Variants in NFAT5 observed in about 807,000 individuals in gnomAD.
NFAT5 encodes the protein nuclear factor of activated T-cells 5.
In NFAT5, 31 loss-of-function variants were observed where a neutral mutation model predicts 166.5. The observed-to-expected ratio is 0.19, with a 90% confidence interval of 0.14 to 0.25. The LOEUF (loss-of-function observed/expected upper bound fraction) is 0.25, where lower values mean the gene tolerates loss of function less well. Ranked by LOEUF, NFAT5 falls within the 10% of genes least tolerant of loss-of-function variation. The pLI, the probability that NFAT5 is intolerant of heterozygous loss-of-function variation, is 1.00. For missense variants in NFAT5, 1,449 were observed against 1,821.8 expected (o/e 0.80, Z 3.72); for synonymous variants, 612 against 639.7 (o/e 0.96, Z 0.65).
At chr16:69,660,696 G>C (rs1411332147) in intron 7 of NFAT5, among the ~76,000 whole-genome samples, 1 of 152,120 alleles carries the variant, frequency 6.6e-6, no homozygotes, top group Non-Finnish European at 1.5e-5. Context: ...GTGTTTGTGT[G>C]TGTAAATTCA....
At chr16:69,664,986 C>G (rs867887324) in intron 7 of NFAT5, among the ~76,000 whole-genome samples, 2 of 152,266 alleles carry the variant, frequency 1.3e-5, no homozygotes, top group South Asian at 4.1e-4. Flanking sequence ...AAGACTGCGC[C>G]ACTGCACTCC....
At chr16:69,576,483 CTT>C (rs1273891589) in intron 2 of NFAT5, among the ~76,000 whole-genome samples, 3 of 152,000 alleles carry the variant, frequency 2.0e-5, no homozygotes, top group Non-Finnish European at 2.9e-5. Context: ...GATTATGACT[CTT>C]TTGGGGAAGA....
At chr16:69,669,446 G>T (rs372898374) in intron 7 of NFAT5, among the ~76,000 whole-genome samples, 1 of 152,158 alleles carries the variant, frequency 6.6e-6, no homozygotes, top group South Asian at 2.1e-4. Flanking sequence ...TGAGGAGGCT[G>T]AGGCAGGAGA....
intron 3 of NFAT5, among the ~76,000 whole-genome samples, chr16:69,645,363 C>T (rs2035393026): frequency 6.6e-6 from 1 of 152,112 alleles, no homozygotes; most frequent in Admixed American, 6.5e-5. Context: ...GAACTGGTAT[C>T]ATCTAATTTC....
At chr16:69,691,237 A>G (rs2037533332) in intron 12 of NFAT5, 149 bp downstream of exon 12, 1 of 525,072 alleles carries the variant, frequency 1.9e-6, no homozygotes, top group African/African-American at 2.0e-5. Context: ...AAAATTGCCC[A>G]CATAGTGACT....
At chr16:69,631,155 G>A (rs539078957) in intron 3 of NFAT5, among the ~76,000 whole-genome samples, 6 of 152,114 alleles carry the variant, frequency 3.9e-5, no homozygotes, top group East Asian at 1.9e-4. Flanking sequence ...AAACTAGGCC[G>A]GGTACACTGG....
rs576858857 is a variant in NFAT5, at chr16:69,631,294, G to T, written c.253+4766G>T. The stretch of plus-strand genomic sequence containing the variant: ...AAAAATACAAAAATTAGCTGGGCAT[G>T]GTGGCAGGCTTCTGTAATCCCAGCT... On this transcript the variant is annotated intron_variant, in intron 3 of 14. Coordinates refer to ENST00000349945, the MANE Select transcript of NFAT5 (RefSeq NM_138713.4). Among the ~76,000 whole-genome samples the T allele has an allele frequency of 9.4e-4, 143 of 152,186 alleles. 2 individuals carry two copies. The highest frequency in any genetic ancestry group is 3.3e-3 in the African/African-American group (138 of 41,552).
intron 2 of NFAT5, among the ~76,000 whole-genome samples, chr16:69,595,442 G>C (rs1350367416): frequency 1.3e-5 from 2 of 152,132 alleles, no homozygotes; most frequent in Non-Finnish European, 2.9e-5. Context: ...ACATATTGCT[G>C]TCAGTGGAGG....
At chr16:69,683,914 C>T (rs1231253182) in intron 10 of NFAT5, among the ~76,000 whole-genome samples, 1 of 151,492 alleles carries the variant, frequency 6.6e-6, no homozygotes, top group Non-Finnish European at 1.5e-5. Flanking sequence ...GCCTGGCCAA[C>T]ATGGTGAAAC....
chr16:69,658,818 C>G (rs1237271662), intron 6 of NFAT5, among the ~76,000 whole-genome samples: 1 of 152,102 alleles, frequency 6.6e-6, no homozygotes, highest in Non-Finnish European at 1.5e-5. Context: ...CAGAGCGAGA[C>G]TCTGTCTCAA....
intron 11 of NFAT5, among the ~76,000 whole-genome samples, chr16:69,688,212 A>AAAAAAAC (rs2037399576): frequency 8.0e-6 from 1 of 124,742 alleles, no homozygotes; most frequent in Non-Finnish European, 1.6e-5. Flanking sequence ...CAAAAAAAAA[A>AAAAAAAC]AAAAAAAAAA....
intron 2 of NFAT5, among the ~76,000 whole-genome samples, chr16:69,579,541 A>G (rs949655626): frequency 2.0e-5 from 3 of 152,228 alleles, no homozygotes; most frequent in Non-Finnish European, 2.9e-5. Context: ...TACAGTAAAT[A>G]CAAACAACAT....
chr16:69,662,074 A>G (rs2036169223), intron 7 of NFAT5, among the ~76,000 whole-genome samples: 1 of 152,162 alleles, frequency 6.6e-6, no homozygotes, highest in African/African-American at 2.4e-5. Flanking sequence ...TTAATTGCAT[A>G]TAAAAATTAT....
At chr16:69,666,862 T>C (rs1410460347) in intron 7 of NFAT5, among the ~76,000 whole-genome samples, 1 of 152,002 alleles carries the variant, frequency 6.6e-6, no homozygotes, top group East Asian at 1.9e-4. Context: ...GCTATAAAGA[T>C]ACATGCACAC....
chr16:69,625,067 T>A lies in NFAT5; in HGVS notation c.128-1336T>A, dbSNP rs186395055. 1.8e-3 allele frequency among the ~76,000 whole-genome samples: 278 copies of A among 151,940 alleles called. 1 individual carries two copies. Among genetic ancestry groups the A allele is most frequent in the Middle Eastern group, 0.017 (5 of 294 alleles). ...GGTGCCCGTCACCATGCCCAGCTAA[T>A]TTTTTGTATTTTTTAGTAGAGATGG... On this transcript the variant is annotated intron_variant, in intron 2 of 14. Coordinates refer to ENST00000349945, the MANE Select transcript of NFAT5 (RefSeq NM_138713.4).
Position 69,698,591 on chromosome 16 carries a change from C to T in NFAT5, c.*2240C>T, listed in dbSNP as rs2037836195. On this transcript the variant is annotated 3_prime_UTR_variant, in exon 15 of 15. Coordinates refer to ENST00000349945, the MANE Select transcript of NFAT5 (RefSeq NM_138713.4). ...GGCCATTCCATCAGGCAGTTAGTTC[C>T]TTGATGTCAGTAGTGGGCTAAAGGC... 1 of 152,382 alleles carries T rather than the reference C, an allele frequency of 6.6e-6. No individual in the cohort carries two copies. The highest frequency in any genetic ancestry group is 1.5e-5 in the Non-Finnish European group (1 of 68,006). The allele number at this position is 152,382 out of a possible 1,614,324, so 9.4% of individuals were successfully genotyped here. A position where few individuals can be genotyped will look rare whatever the true frequency, so the allele number is the denominator to read the frequency against.
chr16:69,657,792 T>TA (rs1468288496), intron 6 of NFAT5, among the ~76,000 whole-genome samples: 1 of 95,476 alleles, frequency 1.0e-5, no homozygotes, highest in Non-Finnish European at 2.2e-5. Flanking sequence ...ATTATAAAAA[T>TA]AAATACATAT....
intron 2 of NFAT5, among the ~76,000 whole-genome samples, chr16:69,597,043 G>A (rs542697249): frequency 6.6e-6 from 1 of 152,258 alleles, no homozygotes; most frequent in South Asian, 2.1e-4. Context: ...ATAAAAATTA[G>A]TCATGTAAAG....
chr16:69,595,544 C>T (rs1421102198), intron 2 of NFAT5, among the ~76,000 whole-genome samples: 1 of 152,180 alleles, frequency 6.6e-6, no homozygotes, highest in Non-Finnish European at 1.5e-5. Context: ...CTTAACTAAG[C>T]ACTTATCTTG....
Sources: gnomAD v4.1 joint callset for allele counts (sites outside exome capture counted in the v4.1 genomes callset) on GRCh38, gnomAD v4.1.1 for gene constraint, MANE v1.5 for transcripts, NCBI Gene and HGNC (gene_info 2026-07-23, HGNC 2026-07-21) for gene names.